The following PCDHA9 variants were observed in gnomAD, a reference collection of about 807,000 sequenced individuals.
The protein encoded by PCDHA9 is protocadherin alpha 9.
Under a neutral mutation model 62.0 loss-of-function variants are expected in PCDHA9, and 62 were observed. The observed-to-expected ratio is 1.00, with a 90% CI of 0.81 to 1.23. The LOEUF is 1.23. PCDHA9 is among the 50% of genes most tolerant of loss of function. PCDHA9 has a pLI of 0.00. For missense variants in PCDHA9, 1,205 were observed against 1,249.8 expected (o/e 0.96, Z 0.54); for synonymous variants, 557 against 567.6 (o/e 0.98, Z 0.27).
intron 3 of PCDHA9, among the ~76,000 whole-genome samples, chr5:140,985,103 A>G (rs1342526252): frequency 6.6e-6 from 1 of 151,694 alleles, no homozygotes; most frequent in African/African-American, 2.4e-5. Context: ...AAGCCTGGCT[A>G]ATTTTTTGTG....
chr5:140,903,642 A>G (rs1583499752), intron 1 of PCDHA9, among the ~76,000 whole-genome samples: 2 of 152,374 alleles, frequency 1.3e-5, no homozygotes, highest in East Asian at 3.8e-4. Context: ...CATATACCAT[A>G]TACATATATT....
rs570308036 is a variant in PCDHA9 at position 140,863,611 on chromosome 5, C to T, written c.2394+12722C>T. 129 of 339,126 alleles carry T rather than the reference C, an allele frequency of 3.8e-4. 2 individuals are homozygous for T. The highest frequency in any genetic ancestry group is 3.0e-3 in the South Asian group (124 of 41,340). The allele number at this position is 339,126 out of a possible 1,614,324, so 21.0% of individuals were successfully genotyped here. A position where few individuals can be genotyped will look rare whatever the true frequency, so the allele number is the denominator to read the frequency against. On this transcript the variant is annotated intron_variant, in intron 1 of 3. Coordinates refer to ENST00000532602, the MANE Select transcript of PCDHA9 (RefSeq NM_031857.2). ...AAGTATTTCATTCCTATTAATGTCC[C>T]TCATAGTGACATTGATAATGTTCAC...
intron 1 of PCDHA9, among the ~76,000 whole-genome samples, chr5:140,939,732 G>C (rs2092446551): frequency 6.6e-6 from 1 of 152,168 alleles, no homozygotes; most frequent in African/African-American, 2.4e-5. Context: ...GTTGTGTGTA[G>C]CTGTGTATCA....
At chr5:140,864,331 T>C (rs2048422342) in intron 1 of PCDHA9, 1 of 152,248 alleles carries the variant, frequency 6.6e-6, no homozygotes, top group Admixed American at 6.5e-5. Flanking sequence ...CATAATTATT[T>C]GAGTTTAAAA....
intron 1 of PCDHA9, among the ~76,000 whole-genome samples, chr5:140,900,463 C>T (rs1319110335): frequency 6.6e-6 from 1 of 152,130 alleles, no homozygotes; most frequent in African/African-American, 2.4e-5. Flanking sequence ...TTTTAGTAGA[C>T]ACGGAGTTTC....
chr5:140,863,548 T>C (rs1370374159), intron 1 of PCDHA9: 6 of 380,478 alleles, frequency 1.6e-5, no homozygotes, highest in South Asian at 4.1e-5. Context: ...TGGACTTCAA[T>C]AGGAAATTTT....
intron 3 of PCDHA9, among the ~76,000 whole-genome samples, chr5:141,007,425 A>G (rs369535619): frequency 6.6e-4 from 98 of 148,834 alleles, no homozygotes; most frequent in African/African-American, 2.3e-3. Context: ...AAAATTAGCC[A>G]GGCATGGTGG....
chr5:140,853,242 A>T, intron 1 of PCDHA9: 1 of 978,496 alleles, frequency 1.0e-6, no homozygotes, highest in Non-Finnish European at 1.2e-6. Context: ...CCTTCATATT[A>T]ATCTCTATTC....
intron 1 of PCDHA9, among the ~76,000 whole-genome samples, chr5:140,904,904 C>T (rs1463349424): frequency 6.6e-6 from 1 of 151,948 alleles, no homozygotes; most frequent in East Asian, 1.9e-4. Context: ...GTTTTTCTTA[C>T]TGATTTGTTT....
chr5:140,944,273 G>A (rs1208171689), intron 1 of PCDHA9, among the ~76,000 whole-genome samples: 2 of 152,098 alleles, frequency 1.3e-5, no homozygotes, highest in African/African-American at 4.8e-5. Flanking sequence ...CTGCAGCCTT[G>A]ACACCCCGGG....
At chr5:140,944,966 C>A (rs1554216639) in intron 1 of PCDHA9, among the ~76,000 whole-genome samples, 1 of 152,080 alleles carries the variant, frequency 6.6e-6, no homozygotes, top group Non-Finnish European at 1.5e-5. Context: ...ATTATCTTAA[C>A]CTCTCTGGTG....
chr5:140,994,429 G>A (rs1474074265), intron 3 of PCDHA9, among the ~76,000 whole-genome samples: 1 of 152,110 alleles, frequency 6.6e-6, no homozygotes, highest in Non-Finnish European at 1.5e-5. Flanking sequence ...GAGGCCGGGC[G>A]CAGTGGCTCA....
At chr5:140,888,753 AC>A (rs1372547782) in intron 1 of PCDHA9, among the ~76,000 whole-genome samples, 1 of 149,022 alleles carries the variant, frequency 6.7e-6, no homozygotes, top group African/African-American at 2.5e-5. Context: ...TATTCTACCC[AC>A]TTTTTTTTTT....
At chr5:140,974,108 C>G (rs977903039) in intron 1 of PCDHA9, among the ~76,000 whole-genome samples, 1 of 152,182 alleles carries the variant, frequency 6.6e-6, no homozygotes, top group Non-Finnish European at 1.5e-5. Flanking sequence ...TAAAAGTATT[C>G]TTTTGCAGTG....
intron 1 of PCDHA9, chr5:140,876,854 C>CA (rs1554169042): frequency 6.2e-7 from 1 of 1,613,994 alleles, no homozygotes; most frequent in Non-Finnish European, 8.5e-7. Context: ...CCCGAGTACA[C>CA]AGTGTTCGTG....
chr5:140,944,807 A>G (rs1472832230), intron 1 of PCDHA9, among the ~76,000 whole-genome samples: 1 of 152,214 alleles, frequency 6.6e-6, no homozygotes, highest in Non-Finnish European at 1.5e-5. Context: ...TCGAGGGTCC[A>G]CAGTGATCTT....
At chr5:140,870,416 C>T in intron 1 of PCDHA9, 1 of 1,614,230 alleles carries the variant, frequency 6.2e-7, no homozygotes, top group Non-Finnish European at 8.5e-7. Flanking sequence ...TGGGCCACGG[C>T]CAGGGTATCC....
In PCDHA9 at chr5:140,959,652, T is replaced by C. The variant is rs538144488; in HGVS notation, c.2395-19297T>C. 1.3e-4 allele frequency among the ~76,000 whole-genome samples: 20 copies of C among 152,234 alleles called. No individual in the cohort carries two copies. In the South Asian group the frequency reaches 4.2e-3, roughly 32 times the overall value. On this transcript the variant is annotated intron_variant, in intron 1 of 3. Transcript: ENST00000532602. ...AGAGAGAAAAAACACAGAAGCAAAATTGAAGAATTTGTAAATCATTTCTAA... is the reference window on the plus strand; with the variant it reads ...AGAGAGAAAAAACACAGAAGCAAAACTGAAGAATTTGTAAATCATTTCTAA...
chr5:140,877,844 G>A lies in PCDHA9; in HGVS notation c.2394+26955G>A, dbSNP rs945643108. The A allele has an allele frequency of 5.1e-6, 8 of 1,568,656 alleles. No homozygotes were observed. In the African/African-American group the frequency reaches 8.3e-5, roughly 16 times the overall value. ...TGTTTAAATCCTCCCAGTGAAGTAA[G>A]TTATTAATATTATTTAGATATATTT... On this transcript the variant is annotated intron_variant, in intron 1 of 3. Coordinates refer to ENST00000532602, the MANE Select transcript of PCDHA9 (RefSeq NM_031857.2).
Sources: allele counts gnomAD v4.1 joint callset (sites outside exome capture counted in the v4.1 genomes callset), GRCh38; gene constraint gnomAD v4.1.1; transcripts MANE v1.5; gene names NCBI Gene and HGNC (gene_info 2026-07-23, HGNC 2026-07-21).